The following SPAG16 variants were observed in gnomAD, a reference collection of about 807,000 sequenced individuals.
SPAG16 encodes the protein sperm associated antigen 16.
Under a neutral mutation model 80.4 loss-of-function variants are expected in SPAG16, and 86 were observed. The ratio of observed to expected loss-of-function variants is 1.07; its 90% confidence interval spans 0.90 to 1.28. SPAG16 has a LOEUF of 1.28. Among genes scored for constraint, SPAG16 ranks in the 50% most tolerant of loss-of-function variants. The pLI is 0.00. For missense variants in SPAG16, 870 were observed against 765.3 expected (o/e 1.14, Z -1.61); for synonymous variants, 294 against 265.9 (o/e 1.11, Z -1.03).
At chr2:213,402,696 G>A (rs2068386029) in intron 9 of SPAG16, among the ~76,000 whole-genome samples, 1 of 151,834 alleles carries the variant, frequency 6.6e-6, no homozygotes, top group Non-Finnish European at 1.5e-5. Context: ...CTGTCCTTGC[G>A]ATAGTTTACA....
intron 10 of SPAG16, among the ~76,000 whole-genome samples, chr2:213,655,172 T>C (rs2063176048): frequency 6.6e-6 from 1 of 152,212 alleles, no homozygotes; most frequent in South Asian, 2.1e-4. Context: ...TTGTAACAAA[T>C]GTACCATTCT....
chr2:214,390,807 G>A (rs547129288), intron 15 of SPAG16, among the ~76,000 whole-genome samples: 123 of 152,254 alleles, frequency 8.1e-4, no homozygotes, highest in Non-Finnish European at 1.4e-3. Flanking sequence ...ATGTCACAGA[G>A]ATGATCTGAA....
At chr2:214,071,046 G>T (rs1468931458) in intron 13 of SPAG16, among the ~76,000 whole-genome samples, 1 of 151,978 alleles carries the variant, frequency 6.6e-6, no homozygotes, top group African/African-American at 2.4e-5. Context: ...AAATCTAAAG[G>T]TCTGCACCAG....
In SPAG16 at chr2:214,164,030, A is replaced by C. The variant is rs570896478; in HGVS notation, c.1720+14764A>C. 3.3e-5 allele frequency among the ~76,000 whole-genome samples: 5 copies of C among 152,228 alleles called. 1 individual carries two copies. The highest frequency in any genetic ancestry group is 4.1e-4 in the South Asian group (2 of 4,824). ...TACCATATGTACAATGGCCTATCCA[A>C]ATTGACATATAAAATTAACCCTCAC... On this transcript the variant is annotated intron_variant, in intron 15 of 15. Transcript: ENST00000331683.
At chr2:214,310,169 T>TTTTTTTTTTGAAATTGCTATTGTTTG (rs1695190884) in intron 15 of SPAG16, among the ~76,000 whole-genome samples, 1 of 151,844 alleles carries the variant, frequency 6.6e-6, no homozygotes, top group Non-Finnish European at 1.5e-5. Flanking sequence ...TTCTTTCTTT[T>TTTTTTTTTTGAAATTGCTATTGTTTG]TTTTTTTTTG....
chr2:214,297,407 T>TTAAG (rs1694213231), intron 15 of SPAG16, among the ~76,000 whole-genome samples: 2 of 152,062 alleles, frequency 1.3e-5, no homozygotes, highest in African/African-American at 2.4e-5. Flanking sequence ...GCAGTCTTTC[T>TTAAG]TAAGTTTTCT....
chr2:214,222,697 A>G (rs2058609564), intron 15 of SPAG16, among the ~76,000 whole-genome samples: 1 of 152,162 alleles, frequency 6.6e-6, no homozygotes, highest in Non-Finnish European at 1.5e-5. Context: ...TTTTTAGTCA[A>G]GTTCTGTGAC....
chr2:214,093,759 C>T (rs1287479157), intron 13 of SPAG16, among the ~76,000 whole-genome samples: 1 of 151,998 alleles, frequency 6.6e-6, no homozygotes, highest in Non-Finnish European at 1.5e-5. Context: ...GTTTTGCAGG[C>T]CTATAGTCTT....
At chr2:214,335,945 G>T (rs2126020631) in intron 15 of SPAG16, among the ~76,000 whole-genome samples, 1 of 152,010 alleles carries the variant, frequency 6.6e-6, no homozygotes, top group Admixed American at 6.6e-5. Flanking sequence ...TTTTAGTAGA[G>T]ATGGGGTTTC....
rs2069622845 is a variant in SPAG16, at chr2:213,422,012, AC to A, written c.942+46895del. The A allele has an allele frequency of 5.2e-6, 3 of 579,360 alleles. No homozygotes were observed. The South Asian group carries it at 6.4e-5, about 12-fold the overall frequency. 35.9% of individuals were successfully genotyped at this position (579,360 alleles called of 1,614,324 possible). Reference sequence around the variant, plus strand: ...TCCTCTCTGCCTTGCCCATCCACCTACCAGTTTTTCATGTACCTCATTCTTC... The same window carrying A: ...TCCTCTCTGCCTTGCCCATCCACCTACAGTTTTTCATGTACCTCATTCTTC... On this transcript the variant is annotated intron_variant, in intron 9 of 15. Transcript: ENST00000331683.
intron 9 of SPAG16, among the ~76,000 whole-genome samples, chr2:213,432,088 A>G (rs966608177): frequency 6.6e-6 from 1 of 152,150 alleles, no homozygotes; most frequent in East Asian, 1.9e-4. Flanking sequence ...GGGATACAGC[A>G]AAAGCAGTGC....
intron 10 of SPAG16, among the ~76,000 whole-genome samples, chr2:213,830,668 G>A (rs563741645): frequency 1.7e-4 from 26 of 152,066 alleles, no homozygotes; most frequent in African/African-American, 6.3e-4. Context: ...GTTAATTTTT[G>A]TCTTCTATTT....
At chr2:214,088,031 G>A (rs1235385436) in intron 13 of SPAG16, among the ~76,000 whole-genome samples, 2 of 151,996 alleles carry the variant, frequency 1.3e-5, no homozygotes, top group African/African-American at 4.8e-5. Context: ...AAAATGCAGT[G>A]TGAAAAGGAA....
intron 10 of SPAG16, among the ~76,000 whole-genome samples, chr2:213,593,192 T>C (rs1453678318): frequency 1.3e-5 from 2 of 152,064 alleles, no homozygotes; most frequent in Non-Finnish European, 2.9e-5. Flanking sequence ...TACATTGGAG[T>C]TCTATTTCAA....
At chr2:214,055,821 A>G in intron 13 of SPAG16, among the ~76,000 whole-genome samples, 1 of 152,188 alleles carries the variant, frequency 6.6e-6, no homozygotes, top group East Asian at 1.9e-4. Context: ...CTTGTTTTAT[A>G]CTACATAAAA....
At chr2:213,927,057 C>G (rs909984648) in intron 11 of SPAG16, among the ~76,000 whole-genome samples, 2 of 152,200 alleles carry the variant, frequency 1.3e-5, no homozygotes, top group Non-Finnish European at 2.9e-5. Context: ...CTGGTGAGGG[C>G]CCCCTTCTTG....
At position 214,110,840 on chromosome 2, in the gene SPAG16, T is replaced by C. The variant is rs554648728; in HGVS notation, c.1593+2579T>C. Among the ~76,000 whole-genome samples, 4 of 152,318 alleles carry C rather than the reference T, an allele frequency of 2.6e-5. No homozygotes were observed. In the South Asian group the frequency reaches 8.3e-4, roughly 32 times the overall value. ...GATTGCCATTCTAACTGGTGTGAGA[T>C]GGTATCTCATTGTGGTTTTGATTTG... is the stretch of plus-strand genomic sequence containing the variant. On this transcript the variant is annotated intron_variant, in intron 14 of 15. Transcript: ENST00000331683.
intron 11 of SPAG16, among the ~76,000 whole-genome samples, chr2:213,923,023 G>T (rs1239552112): frequency 2.0e-5 from 3 of 152,190 alleles, no homozygotes; most frequent in East Asian, 3.9e-4. Flanking sequence ...TAGCAGGTGT[G>T]GTCCATCTGG....
At chr2:214,241,358 C>CA (rs34846102) in intron 15 of SPAG16, 17,778 of 107,096 alleles carry the variant, frequency 0.17, 1,274 homozygotes, top group East Asian at 0.23. Flanking sequence ...ACTCCGTTGC[C>CA]AAAAAAAAAA....
Sources: allele counts gnomAD v4.1 joint callset (sites outside exome capture counted in the v4.1 genomes callset), GRCh38; gene constraint gnomAD v4.1.1; transcripts MANE v1.5; gene names NCBI Gene and HGNC (gene_info 2026-07-23, HGNC 2026-07-21).